The following SLC8A1 variants were observed in gnomAD, a reference collection of about 807,000 sequenced individuals.
SLC8A1 encodes sodium/calcium exchanger 1.
Under a neutral mutation model 68.3 loss-of-function variants are expected in SLC8A1, and 18 were observed. The ratio of observed to expected loss-of-function variants is 0.26; its 90% CI spans 0.18 to 0.39. The LOEUF (loss-of-function observed/expected upper bound fraction) is 0.39, where lower values mean the gene tolerates loss of function less well. SLC8A1 is among the 10% of genes least tolerant of loss of function. The pLI, the probability that SLC8A1 is intolerant of heterozygous loss-of-function variation, is 1.00. For missense variants in SLC8A1, 985 were observed against 1,156.7 expected (o/e 0.85, Z 2.15); for synonymous variants, 475 against 415.5 (o/e 1.14, Z -1.74).
intron 2 of SLC8A1, among the ~76,000 whole-genome samples, chr2:40,254,010 A>G (rs2063451056): frequency 6.6e-6 from 1 of 151,826 alleles, no homozygotes; most frequent in South Asian, 2.1e-4. Flanking sequence ...CAAAATAGCT[A>G]GAAGAAAACT....
chr2:40,271,772 G>A (rs534725788), intron 2 of SLC8A1, among the ~76,000 whole-genome samples: 108 of 151,856 alleles, frequency 7.1e-4, no homozygotes, highest in African/African-American at 2.2e-3. Flanking sequence ...AGACAGACAT[G>A]GTCTACCCTT....
chr2:40,492,965 T>C (rs1705421014), intron 1 of SLC8A1, among the ~76,000 whole-genome samples: 1 of 152,066 alleles, frequency 6.6e-6, no homozygotes, highest in Admixed American at 6.6e-5. Flanking sequence ...GAACTAGAAA[T>C]ACCATTTGGT....
chr2:40,355,219 A>G (rs1672310460), intron 2 of SLC8A1, among the ~76,000 whole-genome samples: 1 of 152,172 alleles, frequency 6.6e-6, no homozygotes, highest in Non-Finnish European at 1.5e-5. Flanking sequence ...ATGCTGGAAA[A>G]TGCTGATGCA....
At chr2:40,261,504 G>A (rs922674723) in intron 2 of SLC8A1, among the ~76,000 whole-genome samples, 1 of 152,150 alleles carries the variant, frequency 6.6e-6, no homozygotes, top group African/African-American at 2.4e-5. Flanking sequence ...GCTGTTTTGG[G>A]TGACTTCAAT....
intron 2 of SLC8A1, among the ~76,000 whole-genome samples, chr2:40,403,495 T>A (rs1450167478): frequency 6.6e-6 from 1 of 152,136 alleles, no homozygotes; most frequent in Non-Finnish European, 1.5e-5. Context: ...CTGACCACAA[T>A]GGGAGAGCTT....
At chr2:40,333,360 C>A (rs1314926975) in intron 2 of SLC8A1, among the ~76,000 whole-genome samples, 1 of 151,150 alleles carries the variant, frequency 6.6e-6, no homozygotes, top group South Asian at 2.1e-4. Flanking sequence ...ATCCCTTGAA[C>A]CCGGGAGGTG....
chr2:40,338,519 C>T (rs1415942625), intron 2 of SLC8A1, among the ~76,000 whole-genome samples: 3 of 152,124 alleles, frequency 2.0e-5, no homozygotes, highest in Admixed American at 1.3e-4. Context: ...GGCCCACAAA[C>T]CATGGTCTTT....
At chr2:40,485,659 G>T (rs1208936916) in intron 1 of SLC8A1, among the ~76,000 whole-genome samples, 1 of 151,978 alleles carries the variant, frequency 6.6e-6, no homozygotes, top group African/African-American at 2.4e-5. Context: ...ACTAAAAATG[G>T]AATACTCTTA....
chr2:40,334,065 A>C (rs906163780), intron 2 of SLC8A1, among the ~76,000 whole-genome samples: 5 of 152,164 alleles, frequency 3.3e-5, no homozygotes, highest in Admixed American at 6.6e-5. Flanking sequence ...ACAACAACAA[A>C]AAAACAATCA....
intron 1 of SLC8A1, among the ~76,000 whole-genome samples, chr2:40,492,556 C>G (rs940629288): frequency 6.6e-6 from 1 of 151,222 alleles, no homozygotes; most frequent in Admixed American, 6.6e-5. Context: ...AGTGAACAGG[C>G]AACCTACAAA....
chr2:40,212,387 C>T (rs772006083), intron 2 of SLC8A1, among the ~76,000 whole-genome samples: 2 of 147,280 alleles, frequency 1.4e-5, no homozygotes, highest in African/African-American at 5.0e-5. Context: ...CGGGTTCAAG[C>T]GATTCTCCTG....
chr2:40,137,600 T>A (rs1313193433), intron 7 of SLC8A1, among the ~76,000 whole-genome samples: 1 of 152,158 alleles, frequency 6.6e-6, no homozygotes, highest in Admixed American at 6.5e-5. Flanking sequence ...GTTTTATATA[T>A]AGTCTCTAAT....
intron 1 of SLC8A1, among the ~76,000 whole-genome samples, chr2:40,450,993 G>A (rs1322890625): frequency 6.6e-6 from 1 of 152,138 alleles, no homozygotes; most frequent in Non-Finnish European, 1.5e-5. Flanking sequence ...AAGAGGCGGG[G>A]GTGATGCAGG....
intron 2 of SLC8A1, among the ~76,000 whole-genome samples, chr2:40,271,909 C>A (rs12617082): frequency 0.17 from 25,811 of 151,792 alleles, 2,561 homozygotes; most frequent in East Asian, 0.43. Context: ...CTCTGTTGCC[C>A]GGGCTGGAAT....
rs1484762762 is a variant in SLC8A1 at position 40,492,558 on chromosome 2, A to G, written c.-25+19791T>C. The stretch of plus-strand genomic sequence containing the variant: ...AAACTACCATCAGAGTGAACAGGCA[A>G]CCTACAAAATTGGAGAAAATTTTCG... On this transcript the variant is annotated intron_variant, in intron 1 of 7. Coordinates refer to the SLC8A1 transcript ENST00000402441. 4.6e-5 allele frequency among the ~76,000 whole-genome samples: 7 copies of G among 151,512 alleles called. No homozygotes were observed. The South Asian group carries it at 8.3e-4, about 18-fold the overall frequency.
chr2:40,245,127 A>C (rs1043091986), intron 2 of SLC8A1, among the ~76,000 whole-genome samples: 1 of 139,868 alleles, frequency 7.1e-6, no homozygotes, highest in Non-Finnish European at 1.5e-5. Flanking sequence ...AATAATCAAA[A>C]GAATAATTCA....
chr2:40,207,957 G>A (rs1352576197), intron 2 of SLC8A1, among the ~76,000 whole-genome samples: 1 of 152,080 alleles, frequency 6.6e-6, no homozygotes, highest in Admixed American at 6.6e-5. Context: ...TGGGCAGATT[G>A]AAGTAACCTT....
chr2:40,220,717 T>C (rs2058200438), intron 2 of SLC8A1, among the ~76,000 whole-genome samples: 1 of 152,116 alleles, frequency 6.6e-6, no homozygotes, highest in African/African-American at 2.4e-5. Flanking sequence ...GCTCTCTCTA[T>C]TTGTCTCGCT....
intron 2 of SLC8A1, among the ~76,000 whole-genome samples, chr2:40,424,282 G>A (rs1171854392): frequency 1.3e-5 from 2 of 151,584 alleles, no homozygotes; most frequent in South Asian, 2.1e-4. Flanking sequence ...ACATCTGGCT[G>A]TCTTATTGTA....
Sources: allele counts gnomAD v4.1 joint callset (sites outside exome capture counted in the v4.1 genomes callset), GRCh38; gene constraint gnomAD v4.1.1; transcripts MANE v1.5; gene names NCBI Gene and HGNC (gene_info 2026-07-23, HGNC 2026-07-21).